PIP5K1B: variants seen among roughly 807,000 people sequenced by gnomAD.
The protein encoded by PIP5K1B is phosphatidylinositol-4-phosphate 5-kinase type 1 beta.
PIP5K1B carries 42 observed loss-of-function variants against 67.0 expected under a neutral mutation model. That is an observed-to-expected ratio of 0.63 (90% CI 0.49 to 0.81). The LOEUF is 0.81. Ranked by LOEUF, PIP5K1B falls within the 30% of genes least tolerant of loss-of-function variation. The pLI is 0.00. For synonymous variants in PIP5K1B, 214 were observed against 231.4 expected, an observed-to-expected ratio of 0.92 and a Z score of 0.68; for missense variants, 459 against 646.3, an observed-to-expected ratio of 0.71 and a Z score of 3.14.
In PIP5K1B at chr9:68,941,132, G is replaced by A. The variant is rs547821548; in HGVS notation, c.1502+342G>A. The A allele has an allele frequency of 8.2e-4, 387 of 470,044 alleles. 5 individuals are homozygous for A. The highest frequency in any genetic ancestry group is 5.8e-3 in the South Asian group (375 of 64,500). The allele number at this position is 470,044 out of a possible 1,614,324, so 29.1% of individuals were successfully genotyped here. ...CTTAGTTAATATTACACAGGTAGCT[G>A]CAAAGATATTGTAATATTCTCTTTT... On this transcript the variant is annotated intron_variant, in intron 14 of 15. Coordinates refer to ENST00000265382, the MANE Select transcript of PIP5K1B (RefSeq NM_003558.4).
intron 4 of PIP5K1B, among the ~76,000 whole-genome samples, chr9:68,831,897 G>A (rs968743315): frequency 9.9e-5 from 15 of 152,132 alleles, no homozygotes; most frequent in East Asian, 7.7e-4. Flanking sequence ...GCCTGGTCTC[G>A]AACTCCTGAC....
At chr9:68,998,422 C>T (rs562839688) in intron 15 of PIP5K1B, among the ~76,000 whole-genome samples, 20 of 152,306 alleles carry the variant, frequency 1.3e-4, no homozygotes, top group Middle Eastern at 3.4e-3. Flanking sequence ...CATCCAGGCG[C>T]GGGTTGCCCC....
chr9:68,922,460 C>CAAAAAAAAAGAAAACA (rs71353092), intron 11 of PIP5K1B, among the ~76,000 whole-genome samples: 2 of 128,258 alleles, frequency 1.6e-5, no homozygotes, highest in African/African-American at 2.9e-5. Flanking sequence ...GACTCTGTCT[C>CAAAAAAAAAGAAAACA]AAAAAAAAAG....
intron 14 of PIP5K1B, among the ~76,000 whole-genome samples, chr9:68,977,299 A>T (rs1204444782): frequency 6.6e-6 from 1 of 152,234 alleles, no homozygotes. Flanking sequence ...AGGCGAGCAG[A>T]TCACCTGAGG....
chr9:68,888,963 A>C lies in PIP5K1B; in HGVS notation c.319-18A>C, dbSNP rs535504852. On this transcript the variant is annotated intron_variant, in intron 6 of 15. Transcript: ENST00000265382. ...ACATCAAGTATATGTTTTAATGTTT[A>C]TTCATTTACCCTTTTAGTATTCCAT... The C allele has an allele frequency of 1.3e-5, 20 of 1,568,324 alleles. No individual in the cohort carries two copies. The highest frequency in any genetic ancestry group is 6.7e-5 in the African/African-American group (5 of 74,126).
chr9:68,751,605 G>A (rs1368713278), intron 2 of PIP5K1B, among the ~76,000 whole-genome samples: 1 of 152,182 alleles, frequency 6.6e-6, no homozygotes, highest in Non-Finnish European at 1.5e-5. Flanking sequence ...ACTTTTCTGG[G>A]TAATTATATG....
chr9:68,752,624 G>A lies in PIP5K1B; in HGVS notation c.-86+9967G>A, dbSNP rs372776216. On this transcript the variant is annotated intron_variant, in intron 2 of 15. Transcript: ENST00000265382. ...AATGCAGAAAAATCATGTTTCTAGG[G>A]GACTGCAAAGCCCATATTTCATCTC... is the stretch of plus-strand genomic sequence containing the variant. Among the ~76,000 whole-genome samples the A allele has an allele frequency of 4.6e-5, 7 of 151,356 alleles. No individual in the cohort carries two copies. In the East Asian group the frequency reaches 1.2e-3, roughly 25 times the overall value.
chr9:68,854,429 C>T (rs1822665435), intron 4 of PIP5K1B, among the ~76,000 whole-genome samples: 1 of 152,132 alleles, frequency 6.6e-6, no homozygotes, highest in Admixed American at 6.6e-5. Flanking sequence ...CATACCTGGA[C>T]AGGACCTTTT....
At chr9:68,975,591 A>G (rs1206131734) in intron 14 of PIP5K1B, among the ~76,000 whole-genome samples, 1 of 152,204 alleles carries the variant, frequency 6.6e-6, no homozygotes, top group Non-Finnish European at 1.5e-5. Flanking sequence ...TTATACCACC[A>G]GTATTAGTTT....
chr9:68,929,494 AC>A (rs1289901729), intron 12 of PIP5K1B, among the ~76,000 whole-genome samples: 3 of 151,796 alleles, frequency 2.0e-5, no homozygotes, highest in Non-Finnish European at 2.9e-5. Flanking sequence ...CTTCACTGTC[AC>A]CCTATTGGAG....
chr9:68,805,603 G>T (rs1439864515), intron 2 of PIP5K1B, among the ~76,000 whole-genome samples: 1 of 152,142 alleles, frequency 6.6e-6, no homozygotes, highest in Non-Finnish European at 1.5e-5. Context: ...CTGGTGTGCG[G>T]CAGAGTCAAT....
intron 5 of PIP5K1B, among the ~76,000 whole-genome samples, chr9:68,869,056 C>A (rs2132285522): frequency 6.6e-6 from 1 of 152,282 alleles, no homozygotes; most frequent in Non-Finnish European, 1.5e-5. Flanking sequence ...CTCAATGTTA[C>A]AGGTTTGACA....
intron 14 of PIP5K1B, among the ~76,000 whole-genome samples, chr9:68,962,498 C>T (rs141563394): frequency 1.3e-5 from 2 of 152,264 alleles, no homozygotes; most frequent in Admixed American, 6.5e-5. Flanking sequence ...TTCTGACTGC[C>T]TCATAAAGAA....
chr9:68,963,023 A>G (rs1333960099), intron 14 of PIP5K1B, among the ~76,000 whole-genome samples: 1 of 152,172 alleles, frequency 6.6e-6, no homozygotes, highest in Non-Finnish European at 1.5e-5. Context: ...TTTGAAAAGA[A>G]CCTTTATCTC....
intron 4 of PIP5K1B, among the ~76,000 whole-genome samples, chr9:68,833,404 G>A (rs1192316357): frequency 6.6e-6 from 1 of 152,244 alleles, no homozygotes; most frequent in Non-Finnish European, 1.5e-5. Context: ...AACTGAGGTG[G>A]AGGCCAGTGT....
chr9:68,876,917 C>T, intron 6 of PIP5K1B, 123 bp downstream of exon 6: 1 of 592,902 alleles, frequency 1.7e-6, no homozygotes, highest in Non-Finnish European at 3.0e-6. Context: ...AGTAAAAGTT[C>T]CAAGTTTTAT....
rs560211574 is a variant in PIP5K1B at position 68,924,483 on chromosome 9, CAG to C, written c.1201+1099_1201+1100del. On this transcript the variant is annotated intron_variant, in intron 12 of 15. Coordinates refer to ENST00000265382, the MANE Select transcript of PIP5K1B (RefSeq NM_003558.4). ...ACTTTAAACCTTGAATAACTAGAAA[CAG>C]AAGAGCAAACTAAACCCAAAGCTAA... 1.4e-3 allele frequency among the ~76,000 whole-genome samples: 210 copies of C among 146,244 alleles called. 1 individual carries two copies. Among genetic ancestry groups the C allele is most frequent in the African/African-American group, 5.1e-3 (203 of 39,568 alleles).
In PIP5K1B at chr9:68,975,080, G is replaced by C. The variant is rs187909723; in HGVS notation, c.1503-16060G>C. ...TTCTGGGTTTTTGTTTGTTAGGTTG[G>C]CTGGTTTTGAGACAGTTTTGCTGTG... On this transcript the variant is annotated intron_variant, in intron 14 of 15. Coordinates refer to ENST00000265382, the MANE Select transcript of PIP5K1B (RefSeq NM_003558.4). Among the ~76,000 whole-genome samples the C allele has an allele frequency of 1.3e-3, 195 of 152,296 alleles. No homozygotes were observed. The Middle Eastern group carries it at 0.017, about 13-fold the overall frequency.
intron 2 of PIP5K1B, among the ~76,000 whole-genome samples, chr9:68,793,586 G>A (rs1166577240): frequency 2.0e-5 from 3 of 152,162 alleles, no homozygotes; most frequent in Admixed American, 6.5e-5. Context: ...CCTAAACAAC[G>A]GGAAGGATTG....
Sources: gnomAD v4.1 joint callset for allele counts (sites outside exome capture counted in the v4.1 genomes callset) on GRCh38, gnomAD v4.1.1 for gene constraint, MANE v1.5 for transcripts, NCBI Gene and HGNC (gene_info 2026-07-23, HGNC 2026-07-21) for gene names.